The following CDK5RAP2 variants were observed in gnomAD, a reference collection of about 807,000 sequenced individuals.
CDK5RAP2 encodes CDK5 regulatory subunit-associated protein 2.
Under a neutral mutation model 232.9 loss-of-function variants are expected in CDK5RAP2, and 147 were observed. The ratio of observed to expected loss-of-function variants is 0.63; its 90% confidence interval spans 0.55 to 0.72. The LOEUF (loss-of-function observed/expected upper bound fraction) is 0.72, where lower values mean the gene tolerates loss of function less well. CDK5RAP2 is among the 30% of genes least tolerant of loss of function. The probability of loss-of-function intolerance (pLI) is 0.00; values close to 1 mark genes in which losing one functional copy is unlikely to be tolerated. For synonymous variants in CDK5RAP2, 833 were observed against 833.7 expected, an observed-to-expected ratio of 1.00 and a Z score of 0.01; for missense variants, 2,195 against 2,231.5, an observed-to-expected ratio of 0.98 and a Z score of 0.33.
chr9:120,575,583 C>A (rs1314774171), intron 1 of CDK5RAP2, among the ~76,000 whole-genome samples: 3 of 151,860 alleles, frequency 2.0e-5, no homozygotes, highest in Non-Finnish European at 2.9e-5. Flanking sequence ...CACATTCTGA[C>A]AACGATTACA....
chr9:120,498,013 C>G (rs1037773186), intron 12 of CDK5RAP2, among the ~76,000 whole-genome samples: 1 of 152,178 alleles, frequency 6.6e-6, no homozygotes, highest in Non-Finnish European at 1.5e-5. Context: ...TCCTTGCTCT[C>G]CCAGGATGGA....
At chr9:120,492,105 A>C (rs1057197984) in intron 12 of CDK5RAP2, among the ~76,000 whole-genome samples, 5 of 152,162 alleles carry the variant, frequency 3.3e-5, no homozygotes, top group Non-Finnish European at 2.9e-5. Flanking sequence ...GGAAAAAAAA[A>C]CCGTATACAG....
chr9:120,543,253 C>A (rs903982727), intron 5 of CDK5RAP2, among the ~76,000 whole-genome samples: 3 of 152,184 alleles, frequency 2.0e-5, no homozygotes, highest in Non-Finnish European at 4.4e-5. Context: ...CCTGACTGGT[C>A]GCCCAGCTTT....
At chr9:120,533,094 G>A (rs1197990192) in intron 7 of CDK5RAP2, among the ~76,000 whole-genome samples, 1 of 151,956 alleles carries the variant, frequency 6.6e-6, no homozygotes, top group African/African-American at 2.4e-5. Flanking sequence ...CCCATTCCAC[G>A]CCCAGGCAGA....
In CDK5RAP2 at chr9:120,403,054, G is replaced by C. The variant is rs1289442330; in HGVS notation, c.5059C>G (p.Leu1687Val). 3.1e-6 allele frequency: 5 copies of C among 1,614,124 alleles called. No homozygotes were observed. The highest frequency in any genetic ancestry group is 4.2e-6 in the Non-Finnish European group (5 of 1,179,952). The change falls in exon 34 of 38, where the codon CTC becomes GTC. Residue 1687 changes from leucine to valine, a missense_variant. Leu to Val is a conservative substitution (Grantham distance 32). Transcript: ENST00000349780. This position sits in a 1 kb window ranked among gnomAD's most constrained non-coding sequence, Gnocchi z 4.2. Reference sequence around the variant, plus strand: ...AGGGAGTCCGTGTCATTCCCAGAGAGTGGAGGAGTCTCTGAAACTGTAAAA... The same window carrying C: ...AGGGAGTCCGTGTCATTCCCAGAGACTGGAGGAGTCTCTGAAACTGTAAAA... ...TPKSVSETPP[L>V]SGNDTDSLSC...
At chr9:120,559,705 CTGTAT>C (rs1290903148) in intron 3 of CDK5RAP2, among the ~76,000 whole-genome samples, 1 of 151,994 alleles carries the variant, frequency 6.6e-6, no homozygotes, top group Non-Finnish European at 1.5e-5. Context: ...TAATGCAAGG[CTGTAT>C]TTGCCACATT....
intron 12 of CDK5RAP2, among the ~76,000 whole-genome samples, chr9:120,495,978 T>G (rs1588484269): frequency 2.4e-5 from 3 of 123,036 alleles, no homozygotes; most frequent in African/African-American, 3.1e-5. Context: ...GGTAGGGAGG[T>G]AGGGGGGTCA....
rs567218519 is a variant in CDK5RAP2 at position 120,530,228 on chromosome 9, C to T, written c.663-88G>A. 1.8e-4 allele frequency: 164 copies of T among 932,610 alleles called. 3 individuals are homozygous for T. The Admixed American group carries it at 2.9e-3, about 17-fold the overall frequency. The allele number at this position is 932,610 out of a possible 1,614,324, so 57.8% of individuals were successfully genotyped here. A position where few individuals can be genotyped will look rare whatever the true frequency, so the allele number is the denominator to read the frequency against. On this transcript the variant is annotated intron_variant, in intron 7 of 37. Coordinates refer to ENST00000349780, the MANE Select transcript of CDK5RAP2 (RefSeq NM_018249.6). Reference sequence around the variant, plus strand: ...GGAGGAAGGAAATGGGGCCAGATATCTTCAAAGTAGACATATACAATGGCT... The same window carrying T: ...GGAGGAAGGAAATGGGGCCAGATATTTTCAAAGTAGACATATACAATGGCT...
At chr9:120,442,715 A>AG (rs1315579545) in intron 23 of CDK5RAP2, among the ~76,000 whole-genome samples, 1 of 152,224 alleles carries the variant, frequency 6.6e-6, no homozygotes, top group Non-Finnish European at 1.5e-5. Context: ...AATTCAGCTA[A>AG]GGGGGACTTT....
intron 3 of CDK5RAP2, among the ~76,000 whole-genome samples, chr9:120,553,021 A>G (rs1053593867): frequency 3.3e-5 from 5 of 152,206 alleles, no homozygotes; most frequent in Non-Finnish European, 7.3e-5. Context: ...CTGTCACAAT[A>G]AAAAGTTGGG....
chr9:120,578,261 G>A (rs1429256534), intron 1 of CDK5RAP2, among the ~76,000 whole-genome samples: 5 of 152,006 alleles, frequency 3.3e-5, no homozygotes, highest in Non-Finnish European at 5.9e-5. Flanking sequence ...GCAAGACTCC[G>A]TCTCAAAAAA....
intron 21 of CDK5RAP2, among the ~76,000 whole-genome samples, chr9:120,450,465 C>T (rs1257418235): frequency 6.6e-6 from 1 of 151,934 alleles, no homozygotes; most frequent in Non-Finnish European, 1.5e-5. Flanking sequence ...TAAAAAAAAA[C>T]CCACTGAATT....
intron 27 of CDK5RAP2, 111 bp from the exon 28 acceptor site, chr9:120,415,270 T>C: frequency 7.7e-7 from 1 of 1,293,238 alleles, no homozygotes; most frequent in Non-Finnish European, 1.1e-6. Context: ...TGTGTTAAGA[T>C]GGTTAGCAAC....
intron 1 of CDK5RAP2, among the ~76,000 whole-genome samples, chr9:120,573,524 G>C (rs1014330313): frequency 1.3e-5 from 2 of 151,234 alleles, no homozygotes; most frequent in African/African-American, 4.9e-5. Context: ...ACTCAAGCCT[G>C]GGTGATAGAG....
intron 24 of CDK5RAP2, among the ~76,000 whole-genome samples, chr9:120,438,461 A>G (rs1296327831): frequency 6.6e-6 from 1 of 152,180 alleles, no homozygotes; most frequent in African/African-American, 2.4e-5. Context: ...CTGGAGTAAC[A>G]TGGGTAAACA....
chr9:120,560,961 C>G (rs894630007), intron 3 of CDK5RAP2, among the ~76,000 whole-genome samples: 11 of 151,716 alleles, frequency 7.3e-5, no homozygotes, highest in African/African-American at 2.7e-4. Context: ...CACACACACA[C>G]AGTAAAGCCT....
At chr9:120,439,139 C>T (rs2035749230) in intron 24 of CDK5RAP2, among the ~76,000 whole-genome samples, 4 of 152,076 alleles carry the variant, frequency 2.6e-5, no homozygotes, top group African/African-American at 9.7e-5. Context: ...TTGAGGAGGG[C>T]GAAATCTGCC....
Position 120,394,499 on chromosome 9 carries a change from C to A in CDK5RAP2, c.5578+13G>T, listed in dbSNP as rs780111593. ...AGTGGTCAGGCATAGCGGCCACCCC[C>A]ACACTCACTCACATTGATCAAAGAT... On this transcript the variant is annotated intron_variant, in intron 36 of 37. Coordinates refer to ENST00000349780, the MANE Select transcript of CDK5RAP2 (RefSeq NM_018249.6). 1.2e-6 allele frequency: 2 copies of A among 1,613,998 alleles called. No individual in the cohort carries two copies. Among genetic ancestry groups the A allele is most frequent in the South Asian group, 1.1e-5 (1 of 91,080 alleles).
chr9:120,401,062 A>T, intron 34 of CDK5RAP2, 177 bp from the exon 35 acceptor site: 2 of 639,504 alleles, frequency 3.1e-6, no homozygotes, highest in Non-Finnish European at 5.4e-6. Flanking sequence ...ATTGTAGATT[A>T]TGAGAGAATT....
Sources: gnomAD v4.1 joint callset for allele counts (sites outside exome capture counted in the v4.1 genomes callset) on GRCh38, gnomAD v4.1.1 for gene constraint, Gnocchi (gnomAD v3.1) non-coding constraint, MANE v1.5 for transcripts, NCBI Gene and HGNC (gene_info 2026-07-23, HGNC 2026-07-21) for gene names.